The following PTPRD variants were observed in gnomAD, a reference collection of about 807,000 sequenced individuals.
The protein encoded by PTPRD is receptor-type tyrosine-protein phosphatase delta.
Under a neutral mutation model 214.5 loss-of-function variants are expected in PTPRD, and 34 were observed. The ratio of observed to expected loss-of-function variants is 0.16; its 90% confidence interval spans 0.12 to 0.21. The LOEUF (loss-of-function observed/expected upper bound fraction) is 0.21. Ranked by LOEUF, PTPRD falls within the 10% of genes least tolerant of loss-of-function variation. The probability of loss-of-function intolerance (pLI) is 1.00; values close to 1 mark genes in which losing one functional copy is unlikely to be tolerated. For synonymous variants in PTPRD, 1,128 were observed against 845.7 expected (o/e 1.33, Z -5.79); for missense variants, 2,545 against 2,398.7 (o/e 1.06, Z -1.27).
rs566103593 is a variant in PTPRD, at chr9:8,658,664, A to G, written c.65-21820T>C. 7.1e-5 allele frequency among the ~76,000 whole-genome samples: 10 copies of G among 140,008 alleles called. No homozygotes were observed. In the East Asian group the frequency reaches 2.1e-3, roughly 29 times the overall value. The allele number at this position is 140,008 out of a possible 152,430, so 91.9% of individuals were successfully genotyped here. A position where few individuals can be genotyped will look rare whatever the true frequency, so the allele number is the denominator to read the frequency against. The stretch of plus-strand genomic sequence containing the variant: ...TTTTGTGCAGCATCTAGATAAAAGC[A>G]CATTTGGAAAAAAAAAAAAAAAAAG... On this transcript the variant is annotated intron_variant, in intron 12 of 45. Transcript: ENST00000381196.
At chr9:10,050,708 C>A (rs2154153470) in intron 3 of PTPRD, among the ~76,000 whole-genome samples, 1 of 150,696 alleles carries the variant, frequency 6.6e-6, no homozygotes, top group East Asian at 2.0e-4. Context: ...ATCTAATAAA[C>A]CAACAATAAG....
intron 8 of PTPRD, among the ~76,000 whole-genome samples, chr9:9,569,250 T>C (rs1216672388): frequency 1.3e-5 from 2 of 150,754 alleles, no homozygotes; most frequent in East Asian, 1.9e-4. Flanking sequence ...ATTGATTAAA[T>C]GGCACAATAA....
At chr9:8,825,048 T>A (rs1026191260) in intron 11 of PTPRD, among the ~76,000 whole-genome samples, 4 of 152,194 alleles carry the variant, frequency 2.6e-5, no homozygotes, top group Admixed American at 6.5e-5. Context: ...ATAGAAGGAA[T>A]TTTAGATAAG....
intron 7 of PTPRD, among the ~76,000 whole-genome samples, chr9:9,615,477 G>C (rs775277162): frequency 9.2e-5 from 14 of 152,134 alleles, no homozygotes; most frequent in Admixed American, 7.2e-4. Flanking sequence ...TTCCCTATTT[G>C]TCCTTCCTTG....
intron 14 of PTPRD, among the ~76,000 whole-genome samples, chr9:8,555,684 T>C (rs2083508674): frequency 6.6e-6 from 1 of 152,198 alleles, no homozygotes; most frequent in South Asian, 2.1e-4. Context: ...CAACTTAGAA[T>C]GCAGTTTCCT....
At chr9:8,328,786 T>C (rs1360522775) in intron 44 of PTPRD, among the ~76,000 whole-genome samples, 2 of 152,134 alleles carry the variant, frequency 1.3e-5, no homozygotes, top group African/African-American at 2.4e-5. Context: ...TGATCTTCAA[T>C]CTCGGACATC....
intron 10 of PTPRD, among the ~76,000 whole-genome samples, chr9:9,118,922 T>C (rs2099814886): frequency 6.6e-6 from 1 of 152,210 alleles, no homozygotes; most frequent in Non-Finnish European, 1.5e-5. Flanking sequence ...CACCACATTT[T>C]ACTCCACAAT....
chr9:8,347,613 T>A (rs150199156), intron 39 of PTPRD, among the ~76,000 whole-genome samples: 1,754 of 152,236 alleles, frequency 0.012, 27 homozygotes, highest in African/African-American at 0.041. Flanking sequence ...GTTTTTCTTC[T>A]CAAAATTCAT....
At chr9:10,276,354 G>A (rs1346328194) in intron 3 of PTPRD, among the ~76,000 whole-genome samples, 1 of 152,036 alleles carries the variant, frequency 6.6e-6, no homozygotes, top group Admixed American at 6.6e-5. Flanking sequence ...TGCCCCCAAG[G>A]ACAATGCAAG....
chr9:8,668,624 T>C (rs1198838158), intron 12 of PTPRD, among the ~76,000 whole-genome samples: 1 of 152,130 alleles, frequency 6.6e-6, no homozygotes, highest in Non-Finnish European at 1.5e-5. Context: ...AAAGAGATGG[T>C]GAAATTACTA....
At chr9:10,049,969 T>C (rs999493519) in intron 3 of PTPRD, among the ~76,000 whole-genome samples, 1 of 152,200 alleles carries the variant, frequency 6.6e-6, no homozygotes, top group Admixed American at 6.5e-5. Flanking sequence ...ATAGCACTTA[T>C]CACAAACTTT....
chr9:8,376,145 G>A (rs2134850848), intron 38 of PTPRD, 55 bp from the exon 39 acceptor site: 2 of 1,593,540 alleles, frequency 1.3e-6, no homozygotes, highest in Non-Finnish European at 1.7e-6. Flanking sequence ...AGGTGGTAAT[G>A]ATGAATAACA....
chr9:8,932,815 C>T (rs539402777), intron 11 of PTPRD, among the ~76,000 whole-genome samples: 69 of 152,174 alleles, frequency 4.5e-4, no homozygotes, highest in Non-Finnish European at 4.7e-4. Context: ...GCTCCGTGGG[C>T]GTGGAATCTG....
chr9:10,126,426 TACACAC>T (rs57563877), intron 3 of PTPRD, among the ~76,000 whole-genome samples: 19,362 of 96,148 alleles, frequency 0.2, 1,370 homozygotes, highest in Middle Eastern at 0.34. Context: ...GTTTTATATA[TACACAC>T]ACACACACAC....
At chr9:9,552,041 C>T (rs1368161757) in intron 8 of PTPRD, among the ~76,000 whole-genome samples, 3 of 152,114 alleles carry the variant, frequency 2.0e-5, no homozygotes, top group Admixed American at 6.6e-5. Flanking sequence ...CTCTTTATCA[C>T]CATCACCTGA....
At chr9:8,818,465 C>G (rs887833910) in intron 11 of PTPRD, among the ~76,000 whole-genome samples, 3 of 152,150 alleles carry the variant, frequency 2.0e-5, no homozygotes, top group African/African-American at 7.2e-5. Flanking sequence ...GTCCTAAGAG[C>G]TTTCTTCCTC....
chr9:8,705,529 G>C (rs1032266431), intron 12 of PTPRD, among the ~76,000 whole-genome samples: 3 of 152,084 alleles, frequency 2.0e-5, no homozygotes, highest in South Asian at 4.1e-4. Context: ...CTGATTACTT[G>C]GGAACATCAT....
chr9:10,503,846 G>A (rs971231986), intron 2 of PTPRD, among the ~76,000 whole-genome samples: 26 of 151,802 alleles, frequency 1.7e-4, no homozygotes, highest in African/African-American at 6.0e-4. Flanking sequence ...GCTGGGCGCG[G>A]GGGCTCACAC....
intron 12 of PTPRD, among the ~76,000 whole-genome samples, chr9:8,686,771 A>G (rs541002631): frequency 6.6e-6 from 1 of 152,318 alleles, no homozygotes; most frequent in Non-Finnish European, 1.5e-5. Context: ...CTGAAACTAC[A>G]TAATAAAAAG....
Sources: allele counts gnomAD v4.1 joint callset (sites outside exome capture counted in the v4.1 genomes callset), GRCh38; gene constraint gnomAD v4.1.1; transcripts MANE v1.5; gene names NCBI Gene and HGNC (gene_info 2026-07-23, HGNC 2026-07-21).